Variants in PHLPP1 observed in about 807,000 individuals in gnomAD.
PHLPP1 encodes the protein PH domain and leucine rich repeat protein phosphatase 1.
Under a neutral mutation model 117.2 loss-of-function variants are expected in PHLPP1, and 42 were observed. The observed-to-expected ratio is 0.36, with a 90% confidence interval of 0.28 to 0.46. The LOEUF (loss-of-function observed/expected upper bound fraction) is 0.46. Among genes scored for constraint, PHLPP1 ranks in the 20% least tolerant of loss-of-function variants. The pLI, the probability that PHLPP1 is intolerant of heterozygous loss-of-function variation, is 1.00. For missense variants in PHLPP1, 2,084 were observed against 2,241.9 expected (o/e 0.93, Z 1.42); for synonymous variants, 1,042 against 970.7 (o/e 1.07, Z -1.37).
At chr18:62,936,438 G>A (rs1481737086) in intron 10 of PHLPP1, among the ~76,000 whole-genome samples, 4 of 152,176 alleles carry the variant, frequency 2.6e-5, no homozygotes, top group East Asian at 1.9e-4. Context: ...AAGCACAAAT[G>A]CTAAATTAAT....
At chr18:62,827,299 T>G (rs1199619212) in intron 1 of PHLPP1, among the ~76,000 whole-genome samples, 2 of 152,202 alleles carry the variant, frequency 1.3e-5, no homozygotes, top group East Asian at 3.8e-4. Context: ...ATTTCTAAAG[T>G]AAAAGTTACA....
intron 10 of PHLPP1, among the ~76,000 whole-genome samples, chr18:62,928,257 A>C (rs1269859742): frequency 6.6e-6 from 1 of 152,180 alleles, no homozygotes; most frequent in Non-Finnish European, 1.5e-5. Flanking sequence ...AAGAAAGTGA[A>C]CGTGCAACCC....
intron 9 of PHLPP1, among the ~76,000 whole-genome samples, chr18:62,915,996 T>C (rs920761026): frequency 2.0e-5 from 3 of 152,216 alleles, no homozygotes; most frequent in Non-Finnish European, 4.4e-5. Flanking sequence ...GAAAATATTA[T>C]AGAAGTATGT....
chr18:62,868,544 C>T (rs1915822872), intron 4 of PHLPP1, among the ~76,000 whole-genome samples: 1 of 151,284 alleles, frequency 6.6e-6, no homozygotes, highest in Non-Finnish European at 1.5e-5. Flanking sequence ...ATCGCTTGAA[C>T]CTGGGAGGCA....
chr18:62,793,107 A>G (rs1430688021), intron 1 of PHLPP1, among the ~76,000 whole-genome samples: 1 of 152,002 alleles, frequency 6.6e-6, no homozygotes, highest in Non-Finnish European at 1.5e-5. Flanking sequence ...CCCAGGAGGC[A>G]GAGGTTGCAG....
intron 3 of PHLPP1, among the ~76,000 whole-genome samples, chr18:62,852,809 A>G (rs1000115129): frequency 1.3e-5 from 2 of 152,194 alleles, no homozygotes; most frequent in African/African-American, 4.8e-5. Context: ...CATCACATTA[A>G]TGTTACTGTG....
At chr18:62,870,997 T>G (rs1915887764) in intron 4 of PHLPP1, among the ~76,000 whole-genome samples, 1 of 152,200 alleles carries the variant, frequency 6.6e-6, no homozygotes, top group East Asian at 1.9e-4. Context: ...CACTAATAAC[T>G]ATAATACATT....
intron 1 of PHLPP1, among the ~76,000 whole-genome samples, chr18:62,817,065 CA>C (rs1483333196): frequency 1.3e-5 from 2 of 152,160 alleles, no homozygotes; most frequent in Non-Finnish European, 2.9e-5. Context: ...CCTCAGCCTC[CA>C]GAGTAGCTGG....
At chr18:62,748,981 A>G (rs989287798) in intron 1 of PHLPP1, among the ~76,000 whole-genome samples, 3 of 152,274 alleles carry the variant, frequency 2.0e-5, no homozygotes, top group Middle Eastern at 6.8e-3. Context: ...TAACTTCAAA[A>G]TGTCACATAA....
chr18:62,804,088 C>T (rs926616887), intron 1 of PHLPP1, among the ~76,000 whole-genome samples: 3 of 152,044 alleles, frequency 2.0e-5, no homozygotes, highest in African/African-American at 4.8e-5. Context: ...GGAAGGACCT[C>T]AGGAAACTTA....
At chr18:62,790,120 G>T (rs1051712600) in intron 1 of PHLPP1, among the ~76,000 whole-genome samples, 2 of 152,142 alleles carry the variant, frequency 1.3e-5, no homozygotes, top group Non-Finnish European at 2.9e-5. Context: ...AATTTGGAAA[G>T]GTAAGACTAT....
intron 12 of PHLPP1, among the ~76,000 whole-genome samples, chr18:62,957,044 A>G: frequency 6.6e-6 from 1 of 152,152 alleles, no homozygotes; most frequent in East Asian, 1.9e-4. Flanking sequence ...AGAGAACAAA[A>G]CAATTCCCCT....
At chr18:62,846,033 G>A (rs937046417) in intron 3 of PHLPP1, among the ~76,000 whole-genome samples, 17 of 151,614 alleles carry the variant, frequency 1.1e-4, no homozygotes, top group African/African-American at 4.1e-4. Flanking sequence ...GTGAAACCCC[G>A]TCTCCACTAA....
At chr18:62,959,863 C>G (rs1356446651) in intron 13 of PHLPP1, among the ~76,000 whole-genome samples, 18 of 152,082 alleles carry the variant, frequency 1.2e-4, no homozygotes, top group Admixed American at 1.2e-3. Flanking sequence ...AATTTTGATA[C>G]ATAGTTGAAA....
intron 1 of PHLPP1, among the ~76,000 whole-genome samples, chr18:62,803,637 A>G (rs1259009083): frequency 2.0e-5 from 3 of 152,186 alleles, no homozygotes; most frequent in Non-Finnish European, 4.4e-5. Flanking sequence ...CCTAATTACA[A>G]ATAATGCCGC....
chr18:62,782,195 C>T lies in PHLPP1; in HGVS notation c.1577-47840C>T, dbSNP rs886162419. On this transcript the variant is annotated intron_variant, in intron 1 of 16. Coordinates refer to ENST00000262719, the MANE Select transcript of PHLPP1 (RefSeq NM_194449.4). ...TCACTTTACTGATGCTCCTCTTGCTCAACTGGAGGATGTCTGCCAAGAGGC... is the reference window on the plus strand; with the variant it reads ...TCACTTTACTGATGCTCCTCTTGCTTAACTGGAGGATGTCTGCCAAGAGGC... Among the ~76,000 whole-genome samples the T allele has an allele frequency of 5.3e-5, 8 of 152,358 alleles. No individual in the cohort carries two copies. The South Asian group carries it at 1.4e-3, about 28-fold the overall frequency.
intron 1 of PHLPP1, among the ~76,000 whole-genome samples, chr18:62,770,388 G>T (rs1392490514): frequency 6.6e-6 from 1 of 152,172 alleles, no homozygotes; most frequent in Non-Finnish European, 1.5e-5. Context: ...GGGATTCCAG[G>T]TGTGAGCCAC....
intron 12 of PHLPP1, among the ~76,000 whole-genome samples, chr18:62,953,647 T>G (rs1195874870): frequency 6.6e-6 from 1 of 152,268 alleles, no homozygotes; most frequent in Non-Finnish European, 1.5e-5. Flanking sequence ...GATGGCTTAT[T>G]GCCTGCCGAT....
chr18:62,840,327 A>C (rs1204948373), intron 3 of PHLPP1, among the ~76,000 whole-genome samples: 1 of 152,206 alleles, frequency 6.6e-6, no homozygotes, highest in Non-Finnish European at 1.5e-5. Flanking sequence ...TCTCAACCTA[A>C]TAGACAAATG....
Sources: gnomAD v4.1 joint callset for allele counts (sites outside exome capture counted in the v4.1 genomes callset) on GRCh38, gnomAD v4.1.1 for gene constraint, MANE v1.5 for transcripts, NCBI Gene and HGNC (gene_info 2026-07-23, HGNC 2026-07-21) for gene names.